Variants in PRKG1 observed in about 807,000 individuals in gnomAD.
The protein encoded by PRKG1 is protein kinase cGMP-dependent 1, also known as cGMP-dependent protein kinase 1.
In PRKG1, 35 loss-of-function variants were observed where a neutral mutation model predicts 88.1. The observed-to-expected ratio is 0.40, with a 90% CI of 0.30 to 0.53. PRKG1 has a LOEUF of 0.53. PRKG1 is among the 20% of genes least tolerant of loss of function. PRKG1 has a pLI of 0.59. For missense variants in PRKG1, 540 were observed against 839.8 expected, an observed-to-expected ratio of 0.64 and a Z score of 4.41; for synonymous variants, 303 against 292.5, an observed-to-expected ratio of 1.04 and a Z score of -0.37.
intron 4 of PRKG1, among the ~76,000 whole-genome samples, chr10:51,898,713 A>G (rs1841912545): frequency 6.6e-6 from 1 of 152,102 alleles, no homozygotes; most frequent in South Asian, 2.1e-4. Context: ...ACTACTCAGG[A>G]GGCTGAGGCA....
At chr10:51,275,908 T>C (rs1022288341) in intron 2 of PRKG1, among the ~76,000 whole-genome samples, 5 of 150,036 alleles carry the variant, frequency 3.3e-5, no homozygotes, top group Admixed American at 1.3e-4. Context: ...AAGCAGCATA[T>C]AACAAAGGTA....
chr10:51,941,286 T>C (rs1842901346), intron 5 of PRKG1, among the ~76,000 whole-genome samples: 1 of 151,956 alleles, frequency 6.6e-6, no homozygotes, highest in Non-Finnish European at 1.5e-5. Flanking sequence ...AAGCACCAAC[T>C]ATGAGACTTA....
intron 2 of PRKG1, among the ~76,000 whole-genome samples, chr10:51,295,654 T>C (rs1048249828): frequency 9.2e-5 from 14 of 152,140 alleles, no homozygotes; most frequent in Admixed American, 7.9e-4. Context: ...TCTTCTTTTC[T>C]TTTCTTTTCT....
chr10:51,175,537 G>T (rs567113798), intron 2 of PRKG1, among the ~76,000 whole-genome samples: 2 of 151,572 alleles, frequency 1.3e-5, no homozygotes, highest in African/African-American at 2.4e-5. Context: ...ATTTCCACCC[G>T]GAAGATAAAA....
At chr10:51,256,376 G>A (rs1839560472) in intron 2 of PRKG1, among the ~76,000 whole-genome samples, 1 of 152,076 alleles carries the variant, frequency 6.6e-6, no homozygotes, top group Non-Finnish European at 1.5e-5. Flanking sequence ...ACTTGTTTAA[G>A]CATTGTCGTG....
chr10:51,128,428 C>T (rs1845485502), intron 1 of PRKG1, among the ~76,000 whole-genome samples: 1 of 152,108 alleles, frequency 6.6e-6, no homozygotes, highest in African/African-American at 2.4e-5. Context: ...AGTGAATTTC[C>T]ATTTGCCCTC....
At chr10:52,177,768 A>G (rs182989718) in intron 9 of PRKG1, among the ~76,000 whole-genome samples, 1 of 152,004 alleles carries the variant, frequency 6.6e-6, no homozygotes, top group African/African-American at 2.4e-5. Flanking sequence ...CTAGGTTTTC[A>G]AATTTACTGG....
intron 5 of PRKG1, among the ~76,000 whole-genome samples, chr10:51,963,980 G>T (rs1843509377): frequency 6.6e-6 from 1 of 152,126 alleles, no homozygotes; most frequent in African/African-American, 2.4e-5. Context: ...GAATCTAACA[G>T]ATTAAAATCA....
chr10:51,220,599 TA>T (rs1210811076), intron 2 of PRKG1, among the ~76,000 whole-genome samples: 1 of 152,214 alleles, frequency 6.6e-6, no homozygotes, highest in Non-Finnish European at 1.5e-5. Flanking sequence ...TATGGAGCTA[TA>T]AATAAACATC....
chr10:51,842,518 T>A (rs1415683778), intron 4 of PRKG1, among the ~76,000 whole-genome samples: 1 of 152,156 alleles, frequency 6.6e-6, no homozygotes, highest in Non-Finnish European at 1.5e-5. Flanking sequence ...GTGGTCTTGG[T>A]CAGTATCAGC....
intron 1 of PRKG1, among the ~76,000 whole-genome samples, chr10:51,032,981 G>A (rs929829396): frequency 5.3e-5 from 8 of 151,958 alleles, no homozygotes; most frequent in African/African-American, 1.4e-4. Flanking sequence ...TCTCTATGCC[G>A]ACGTATCTTA....
At chr10:51,149,906 A>T (rs1237087589) in intron 1 of PRKG1, among the ~76,000 whole-genome samples, 2 of 152,136 alleles carry the variant, frequency 1.3e-5, no homozygotes, top group African/African-American at 4.8e-5. Flanking sequence ...GAATACCAGC[A>T]TATCATTATA....
intron 3 of PRKG1, among the ~76,000 whole-genome samples, chr10:51,736,814 T>G (rs1236940222): frequency 1.3e-5 from 2 of 151,808 alleles, no homozygotes; most frequent in East Asian, 1.9e-4. Flanking sequence ...TTTTTTTTTT[T>G]TTGTAGAGAA....
At chr10:51,310,419 C>T (rs1841153862) in intron 2 of PRKG1, among the ~76,000 whole-genome samples, 1 of 152,108 alleles carries the variant, frequency 6.6e-6, no homozygotes, top group African/African-American at 2.4e-5. Context: ...TTTCTGTCCT[C>T]ACACAGTTTA....
chr10:52,128,999 T>G (rs1475626362), intron 7 of PRKG1, among the ~76,000 whole-genome samples: 2 of 152,362 alleles, frequency 1.3e-5, no homozygotes, highest in East Asian at 3.9e-4. Context: ...ACCCTAGTTA[T>G]AAAGTTCTCT....
intron 1 of PRKG1, among the ~76,000 whole-genome samples, chr10:51,040,423 A>G (rs1477105985): frequency 1.4e-5 from 2 of 142,748 alleles, no homozygotes; most frequent in East Asian, 4.2e-4. Flanking sequence ...GGCTCAAGCA[A>G]TTATTCTGCC....
chr10:51,313,271 T>C (rs545421970), intron 2 of PRKG1, among the ~76,000 whole-genome samples: 1 of 152,162 alleles, frequency 6.6e-6, no homozygotes, highest in South Asian at 2.1e-4. Flanking sequence ...AAGAGAGAGG[T>C]GAGCGTACTG....
intron 2 of PRKG1, among the ~76,000 whole-genome samples, chr10:51,293,700 T>A (rs1840642542): frequency 6.6e-6 from 1 of 152,190 alleles, no homozygotes; most frequent in South Asian, 2.1e-4. Flanking sequence ...TGCAGATATC[T>A]CTTCAACATA....
At chr10:51,582,143 C>G (rs1838055388) in intron 3 of PRKG1, among the ~76,000 whole-genome samples, 2 of 152,036 alleles carry the variant, frequency 1.3e-5, no homozygotes, top group Admixed American at 6.6e-5. Flanking sequence ...GCTATGATAG[C>G]CTCAGAACCT....
Sources: gnomAD v4.1 joint callset for allele counts (sites outside exome capture counted in the v4.1 genomes callset) on GRCh38, gnomAD v4.1.1 for gene constraint, MANE v1.5 for transcripts, NCBI Gene and HGNC (gene_info 2026-07-23, HGNC 2026-07-21) for gene names.